ADAMTSL1: variants seen among roughly 807,000 people sequenced by gnomAD.
ADAMTSL1 encodes ADAMTS-like protein 1.
Under a neutral mutation model 201.8 loss-of-function variants are expected in ADAMTSL1, and 126 were observed. The ratio of observed to expected loss-of-function variants is 0.62; its 90% CI spans 0.54 to 0.72. The LOEUF (loss-of-function observed/expected upper bound fraction) is 0.72. Ranked by LOEUF, ADAMTSL1 falls within the 30% of genes least tolerant of loss-of-function variation. The pLI, the probability that ADAMTSL1 is intolerant of heterozygous loss-of-function variation, is 0.00. For synonymous variants in ADAMTSL1, 1,121 were observed against 903.4 expected (o/e 1.24, Z -4.32); for missense variants, 2,679 against 2,277.8 (o/e 1.18, Z -3.59).
At chr9:18,589,313 A>G (rs369311896) in intron 4 of ADAMTSL1, among the ~76,000 whole-genome samples, 2 of 152,158 alleles carry the variant, frequency 1.3e-5, no homozygotes, top group Middle Eastern at 6.8e-3. Context: ...AATTTATTCT[A>G]AGGTATTTTT....
intron 10 of ADAMTSL1, among the ~76,000 whole-genome samples, chr9:18,678,088 A>G (rs1361684048): frequency 1.3e-5 from 2 of 152,096 alleles, no homozygotes; most frequent in African/African-American, 4.8e-5. Context: ...ACTGTAACAC[A>G]TATCTGGACA....
intron 4 of ADAMTSL1, among the ~76,000 whole-genome samples, chr9:18,603,227 A>G (rs946627284): frequency 1.3e-5 from 2 of 152,084 alleles, no homozygotes; most frequent in Non-Finnish European, 2.9e-5. Context: ...GATTGGTACC[A>G]TTTTACAGGT....
At chr9:18,743,606 C>T (rs913697501) in intron 15 of ADAMTSL1, among the ~76,000 whole-genome samples, 6 of 152,114 alleles carry the variant, frequency 3.9e-5, no homozygotes, top group African/African-American at 1.2e-4. Context: ...ACTATTTTTA[C>T]GGAGCCAAAA....
intron 2 of ADAMTSL1, among the ~76,000 whole-genome samples, chr9:18,287,068 T>C (rs1424176359): frequency 3.3e-5 from 5 of 152,146 alleles, no homozygotes; most frequent in African/African-American, 7.2e-5. Flanking sequence ...CATTCTTCTG[T>C]TATATGTCTG....
chr9:18,049,681 C>T (rs965887193), intron 1 of ADAMTSL1, among the ~76,000 whole-genome samples: 4 of 151,090 alleles, frequency 2.6e-5, no homozygotes, highest in Admixed American at 1.3e-4. Flanking sequence ...TGCAGTGCAG[C>T]GGTGCCATCT....
At chr9:17,939,338 G>A (rs999192103) in intron 1 of ADAMTSL1, among the ~76,000 whole-genome samples, 1 of 151,000 alleles carries the variant, frequency 6.6e-6, no homozygotes, top group African/African-American at 2.4e-5. Context: ...CTAGTGTCCA[G>A]TTGGATTTTT....
rs866189730 is a variant in ADAMTSL1 at position 18,504,841 on chromosome 9, G to C, written c.76G>C (p.Ala26Pro). The change falls in exon 2 of 29, where the codon GCA becomes CCA. Residue 26 changes from alanine to proline, a missense_variant. Coordinates refer to ENST00000380548, the MANE Select transcript of ADAMTSL1 (RefSeq NM_001040272.6). ...LAFLLLSSRT[A>P]RSEEDRDGLW... ...TTGTTTCTCACAGAGTTCCAGGACC[G>C]CACGCTCCGAGGAGGACCGGGACGG... 1 of 1,613,966 alleles carries C rather than the reference G, an allele frequency of 6.2e-7. No individual in the cohort carries two copies. Among genetic ancestry groups the C allele is most frequent in the East Asian group, 2.2e-5 (1 of 44,890 alleles).
rs139939417 is a variant in ADAMTSL1, at chr9:18,377,158, A to G, written c.208-127671A>G. 1.9e-3 allele frequency among the ~76,000 whole-genome samples: 295 copies of G among 152,282 alleles called. 7 individuals carry two copies. Among genetic ancestry groups the G allele is most frequent in the Non-Finnish European group, 2.3e-3 (159 of 68,028 alleles). ...ACCATGGGCTCTGAAATTGGATTAT[A>G]TGGGTTCAAGCCCTCTCGCGTCATT... On this transcript the variant is annotated intron_variant, in intron 2 of 29. Transcript: ENST00000680146.
At chr9:18,815,380 A>G (rs59852857) in intron 20 of ADAMTSL1, among the ~76,000 whole-genome samples, 8,102 of 146,448 alleles carry the variant, frequency 0.055, 241 homozygotes, top group East Asian at 0.15. Flanking sequence ...TCCACCATTA[A>G]AAAAAAAAAA....
At chr9:18,599,243 A>T (rs1366989970) in intron 4 of ADAMTSL1, among the ~76,000 whole-genome samples, 1 of 152,258 alleles carries the variant, frequency 6.6e-6, no homozygotes, top group Non-Finnish European at 1.5e-5. Flanking sequence ...GAATAGGGTA[A>T]CAAGGATTTG....
At chr9:18,010,033 A>C (rs935939427) in intron 1 of ADAMTSL1, among the ~76,000 whole-genome samples, 1 of 152,048 alleles carries the variant, frequency 6.6e-6, no homozygotes, top group African/African-American at 2.4e-5. Flanking sequence ...ACTCAATCTA[A>C]GAATAATGCT....
At chr9:18,032,448 G>A (rs1821004724) in intron 1 of ADAMTSL1, among the ~76,000 whole-genome samples, 1 of 152,186 alleles carries the variant, frequency 6.6e-6, no homozygotes, top group Non-Finnish European at 1.5e-5. Flanking sequence ...GTGGGGCAGT[G>A]GAGGCTGAGC....
intron 23 of ADAMTSL1, among the ~76,000 whole-genome samples, chr9:18,871,508 A>G (rs921964066): frequency 6.6e-6 from 1 of 152,204 alleles, no homozygotes; most frequent in Non-Finnish European, 1.5e-5. Flanking sequence ...TACCTATAAG[A>G]CAAGTTCCCA....
intron 2 of ADAMTSL1, among the ~76,000 whole-genome samples, chr9:18,434,957 C>T (rs968784537): frequency 6.6e-6 from 1 of 152,222 alleles, no homozygotes; most frequent in Non-Finnish European, 1.5e-5. Flanking sequence ...GGGACCACAT[C>T]TGGCTTTGAT....
intron 1 of ADAMTSL1, among the ~76,000 whole-genome samples, chr9:18,156,359 C>T (rs1827151859): frequency 6.6e-6 from 1 of 151,936 alleles, no homozygotes; most frequent in South Asian, 2.1e-4. Flanking sequence ...TTATCTTCAA[C>T]TTGATTTAAA....
intron 2 of ADAMTSL1, among the ~76,000 whole-genome samples, chr9:18,260,872 T>C (rs1186271400): frequency 6.6e-6 from 1 of 152,208 alleles, no homozygotes; most frequent in East Asian, 1.9e-4. Flanking sequence ...TCATTAGTTG[T>C]GGTTTTACTT....
chr9:18,383,705 A>T (rs1366111785), intron 2 of ADAMTSL1, among the ~76,000 whole-genome samples: 2 of 152,218 alleles, frequency 1.3e-5, no homozygotes, highest in Admixed American at 6.5e-5. Context: ...TTAAACTGAA[A>T]GACACTGTCC....
At chr9:18,293,280 C>T (rs2132692725) in intron 2 of ADAMTSL1, among the ~76,000 whole-genome samples, 1 of 152,230 alleles carries the variant, frequency 6.6e-6, no homozygotes, top group East Asian at 1.9e-4. Context: ...GATGTTTGTC[C>T]CGTAATGGGA....
chr9:18,259,526 T>A lies in ADAMTSL1; in HGVS notation c.207+95545T>A, dbSNP rs1031553865. Among the ~76,000 whole-genome samples, 217 of 146,258 alleles carry A rather than the reference T, an allele frequency of 1.5e-3. 1 individual carries two copies. Among genetic ancestry groups the A allele is most frequent in the African/African-American group, 3.4e-3 (130 of 38,646 alleles). On this transcript the variant is annotated intron_variant, in intron 2 of 29. Transcript: ENST00000680146. The stretch of plus-strand genomic sequence containing the variant: ...CTCTGTCTCAAAAAAAAAAAAAAAA[T>A]ACATATATCCTTATGTAGCATCACA...
Sources: allele counts gnomAD v4.1 joint callset (sites outside exome capture counted in the v4.1 genomes callset), GRCh38; gene constraint gnomAD v4.1.1; transcripts MANE v1.5; gene names NCBI Gene and HGNC (gene_info 2026-07-23, HGNC 2026-07-21).